Variants in DUOX1 observed in about 807,000 individuals in gnomAD.
DUOX1 encodes the protein dual oxidase 1.
DUOX1 carries 134 observed loss-of-function variants against 181.8 expected under a neutral mutation model. That is an observed-to-expected ratio of 0.74 (90% CI 0.64 to 0.85). The LOEUF (loss-of-function observed/expected upper bound fraction) is 0.85, where lower values mean the gene tolerates loss of function less well. DUOX1 is among the 40% of genes least tolerant of loss of function. The pLI is 0.00. For synonymous variants in DUOX1, 798 were observed against 832.5 expected (o/e 0.96, Z 0.71); for missense variants, 1,814 against 2,064.4 (o/e 0.88, Z 2.35).
At position 45,152,448 on chromosome 15, in the gene DUOX1, G is replaced by A. The variant is rs765083096; in HGVS notation, c.3356G>A (p.Arg1119His). The A allele has an allele frequency of 1.9e-6, 3 of 1,614,124 alleles. No homozygotes were observed. Among genetic ancestry groups the A allele is most frequent in the South Asian group, 1.1e-5 (1 of 91,080 alleles). Residue 1119 changes from arginine (R) to histidine (H), a missense_variant, in exon 25 of 34, where the codon CGC becomes CAC. Around this residue, in one of 5 missense-constraint regions of DUOX1, gnomAD observed 1,064 missense variants for 1,152.9 expected, o/e 0.92. Coordinates refer to ENST00000389037, the MANE Select transcript of DUOX1 (RefSeq NM_175940.3). ...TTCCTGCGAGAAACCTTCCTCAACC[G>A]CTACGTGCCCTTCGACGCCGCCGTG... ...ITFLRETFLN[R>H]YVPFDAAVDF... is the part of the protein sequence containing the mutation.
intron 31 of DUOX1, 82 bp from the exon 32 acceptor site, chr15:45,163,450 A>T (rs1217238505): frequency 2.5e-6 from 4 of 1,577,436 alleles, no homozygotes; most frequent in Non-Finnish European, 2.6e-6. Context: ...TGTGGTCAGA[A>T]GAGTTCTATC....
intron 27 of DUOX1, among the ~76,000 whole-genome samples, chr15:45,154,448 T>A (rs914859325): frequency 6.6e-6 from 1 of 152,174 alleles, no homozygotes. Flanking sequence ...GTTTGGGGGA[T>A]ATTCCTAACT....
At position 45,164,981 on chromosome 15, in the gene DUOX1, T is replaced by C; in HGVS notation, c.*80T>C. The C allele has an allele frequency of 6.6e-7, 1 of 1,515,312 alleles. No homozygotes were observed. Among genetic ancestry groups the C allele is most frequent in the East Asian group, 2.3e-5 (1 of 43,874 alleles). 93.9% of individuals were successfully genotyped at this position (1,515,312 alleles called of 1,614,324 possible). A position where few individuals can be genotyped will look rare whatever the true frequency, so the allele number is the denominator to read the frequency against. On this transcript the variant is annotated 3_prime_UTR_variant, in exon 34 of 34. Coordinates refer to ENST00000389037, the MANE Select transcript of DUOX1 (RefSeq NM_175940.3). ...ACCTCACCTCTGTTCTTCCTATTTCTGGCTGCCTCAGCCTTCTCTGATTTC... is the reference window on the plus strand; with the variant it reads ...ACCTCACCTCTGTTCTTCCTATTTCCGGCTGCCTCAGCCTTCTCTGATTTC...
chr15:45,137,586 T>C (rs1319760771), intron 9 of DUOX1, among the ~76,000 whole-genome samples: 1 of 152,132 alleles, frequency 6.6e-6, no homozygotes, highest in Non-Finnish European at 1.5e-5. Flanking sequence ...GAACAATTTT[T>C]GAATCCTTTA....
chr15:45,133,872 A>G lies in DUOX1; in HGVS notation c.67A>G (p.Asn23Asp), dbSNP rs775525880. 1.9e-6 allele frequency: 3 copies of G among 1,613,790 alleles called. No individual in the cohort carries two copies. Among genetic ancestry groups the G allele is most frequent in the Non-Finnish European group, 2.5e-6 (3 of 1,179,898 alleles). ...CCTCCATTCTCACACAGGAGCTCAG[A>G]ACCCCATTTCGTGGGAGGTGCAGCG... is the stretch of plus-strand genomic sequence containing the variant. ...VGAWTPLGAQ[N>D]PISWEVQRFD... Residue 23 changes from asparagine (N) to aspartate (D), a missense_variant, in exon 3 of 34, where the codon AAC (asparagine) becomes GAC (aspartate). Transcript: ENST00000389037.
intron 15 of DUOX1, 33 bp from the exon 16 acceptor site, chr15:45,143,157 C>A: frequency 1.3e-6 from 2 of 1,566,628 alleles, no homozygotes; most frequent in Non-Finnish European, 1.8e-6. Flanking sequence ...TAGACCCCCA[C>A]GTCTCCCTGA....
intron 28 of DUOX1, among the ~76,000 whole-genome samples, chr15:45,156,555 C>T (rs1263078692): frequency 6.6e-6 from 1 of 152,186 alleles, no homozygotes; most frequent in African/African-American, 2.4e-5. Context: ...GTCTCAGCCT[C>T]CTGAGTAGCT....
intron 18 of DUOX1, among the ~76,000 whole-genome samples, chr15:45,145,822 G>A (rs1366609844): frequency 6.6e-6 from 1 of 152,000 alleles, no homozygotes; most frequent in Non-Finnish European, 1.5e-5. Flanking sequence ...GGCTGAGGCA[G>A]GAGAATCACT....
rs1266823865 is a variant in DUOX1, at chr15:45,129,999, G to C, written c.-149G>C. On this transcript the variant is annotated 5_prime_UTR_variant, in exon 1 of 34. Coordinates refer to ENST00000389037, the MANE Select transcript of DUOX1 (RefSeq NM_175940.3). The surrounding 1 kb of genome is among the most constrained non-coding windows in gnomAD (Gnocchi z 4.1). ...CCAGCCCCGCCCGTCCCGGCGCAGAGCTGCAGAGGCACCGGACGAGAGAGG... is the reference window on the plus strand; with the variant it reads ...CCAGCCCCGCCCGTCCCGGCGCAGACCTGCAGAGGCACCGGACGAGAGAGG... 6.6e-6 allele frequency: 1 copy of C among 152,286 alleles called. No homozygotes were observed. The highest frequency in any genetic ancestry group is 1.5e-5 in the Non-Finnish European group (1 of 68,108). The allele number at this position is 152,286 out of a possible 1,614,324, so 9.4% of individuals were successfully genotyped here.
intron 28 of DUOX1, 144 bp downstream of exon 28, chr15:45,156,073 A>T: frequency 8.5e-7 from 1 of 1,172,966 alleles, no homozygotes; most frequent in South Asian, 1.5e-5. Context: ...GAAGGTGGAG[A>T]TGATAGTACA....
chr15:45,145,900 G>C (rs1422211395), intron 18 of DUOX1, among the ~76,000 whole-genome samples: 1 of 148,944 alleles, frequency 6.7e-6, no homozygotes, highest in African/African-American at 2.5e-5. Flanking sequence ...GGGCAACAGA[G>C]TAAGACTCCA....
In DUOX1 at chr15:45,147,632, T is replaced by C; in HGVS notation, c.2522T>C (p.Leu841Pro). 1 of 1,614,178 alleles carries C rather than the reference T, an allele frequency of 6.2e-7. No individual in the cohort carries two copies. The highest frequency in any genetic ancestry group is 8.5e-7 in the Non-Finnish European group (1 of 1,180,020). ...GNGYLSFREF[L>P]DILVVFMKGS... Reference sequence around the variant, plus strand: ...GGCTACCTGTCCTTCCGAGAGTTCCTGGACATCCTGGTGGTCTTCATGAAA... The same window carrying C: ...GGCTACCTGTCCTTCCGAGAGTTCCCGGACATCCTGGTGGTCTTCATGAAA... The change falls in exon 19 of 34, where the codon CTG becomes CCG. Residue 841 changes from leucine (L) to proline (P), a missense_variant. Physicochemically the swap from Leu to Pro is moderately conservative, Grantham distance 98 (BLOSUM62 -3). This residue lies in a region of DUOX1 where 1,064 missense variants were observed against 1,152.9 expected (regional missense o/e 0.92). Transcript: ENST00000389037.
At position 45,135,179 on chromosome 15, in the gene DUOX1, C is replaced by T. The variant is rs1896260967; in HGVS notation, c.383C>T (p.Pro128Leu). 3.7e-6 allele frequency: 6 copies of T among 1,613,796 alleles called. No homozygotes were observed. Among genetic ancestry groups the T allele is most frequent in the Middle Eastern group, 1.6e-4 (1 of 6,084 alleles). Residue 128 changes from proline (P) to leucine (L), a missense_variant, in exon 5 of 34, where the codon CCG becomes CTG. Around this residue, in one of 5 missense-constraint regions of DUOX1, gnomAD observed 320 missense variants for 313.1 expected, o/e 1.02. Transcript: ENST00000389037. The stretch of plus-strand genomic sequence containing the variant: ...GCCGAGTTCCTCAACATTCGCATCC[C>T]GCCCGGAGACCCCATGTTCGACCCC... ...CPAEFLNIRI[P>L]PGDPMFDPDQ...
At chr15:45,161,564 G>T (rs1897103950) in intron 29 of DUOX1, among the ~76,000 whole-genome samples, 174 bp from the exon 30 acceptor site, 1 of 152,118 alleles carries the variant, frequency 6.6e-6, no homozygotes, top group Non-Finnish European at 1.5e-5. Context: ...CCCCTTGCCT[G>T]GCTGACCCTC....
intron 12 of DUOX1, 33 bp downstream of exon 12, chr15:45,139,632 G>C: frequency 6.6e-7 from 1 of 1,511,048 alleles, no homozygotes. Context: ...AGGGTAGGGC[G>C]GGAGGGACAA....
At position 45,163,893 on chromosome 15, in the gene DUOX1, A is replaced by G. The variant is rs1449021289; in HGVS notation, c.4508A>G (p.Asn1503Ser). 6.2e-7 allele frequency: 1 copy of G among 1,613,510 alleles called. No homozygotes were observed. The highest frequency in any genetic ancestry group is 2.2e-5 in the East Asian group (1 of 44,846). Reference sequence around the variant, plus strand: ...CGTCCCCCCTTTGAGCCCTTCTTCAACTCCCTGCAGGAGGTCCACCCCCAG... The same window carrying G: ...CGTCCCCCCTTTGAGCCCTTCTTCAGCTCCCTGCAGGAGGTCCACCCCCAG... ...FGRPPFEPFF[N>S]SLQEVHPQVR... is the part of the protein sequence containing the mutation. The change falls in exon 33 of 34, where the codon AAC (asparagine) becomes AGC (serine). Residue 1503 changes from asparagine (N) to serine (S), a missense_variant. This residue lies in a region of DUOX1 where 124 missense variants were observed against 125.7 expected (regional missense o/e 0.99). Coordinates refer to ENST00000389037, the MANE Select transcript of DUOX1 (RefSeq NM_175940.3).
chr15:45,162,102 C>T (rs1897119720), intron 30 of DUOX1, 117 bp from the exon 31 acceptor site: 2 of 1,491,850 alleles, frequency 1.3e-6, no homozygotes, highest in South Asian at 2.5e-5. Context: ...GATAATGCCA[C>T]AAATCCTCCT....
chr15:45,143,532 A>G (rs548490346), intron 16 of DUOX1, among the ~76,000 whole-genome samples: 1 of 152,306 alleles, frequency 6.6e-6, no homozygotes, highest in African/African-American at 2.4e-5. Context: ...AAGACCCTGT[A>G]GTGATCTTAC....
At chr15:45,141,549 C>A in intron 14 of DUOX1, 139 bp downstream of exon 14, 2 of 957,228 alleles carry the variant, frequency 2.1e-6, no homozygotes, top group Non-Finnish European at 3.3e-6. Context: ...CCCTTGGGAA[C>A]TCCAGGTGCC....
Sources: gnomAD v4.1 joint callset for allele counts (sites outside exome capture counted in the v4.1 genomes callset) on GRCh38, gnomAD v4.1.1 for gene constraint, gnomAD v4.1.1 regional missense constraint, Gnocchi (gnomAD v3.1) non-coding constraint, MANE v1.5 for transcripts, NCBI Gene and HGNC (gene_info 2026-07-23, HGNC 2026-07-21) for gene names.